The following PI4KA variants were observed in gnomAD, a reference collection of about 807,000 sequenced individuals.
The protein encoded by PI4KA is phosphatidylinositol 4-kinase alpha, also known as PI4-kinase alpha.
Under a neutral mutation model 271.4 loss-of-function variants are expected in PI4KA, and 122 were observed. The ratio of observed to expected loss-of-function variants is 0.45; its 90% CI spans 0.39 to 0.52. The LOEUF is 0.52. Among genes scored for constraint, PI4KA ranks in the 20% least tolerant of loss-of-function variants. The pLI, the probability that PI4KA is intolerant of heterozygous loss-of-function variation, is 0.00. For synonymous variants in PI4KA, 1,041 were observed against 1,078.8 expected, an observed-to-expected ratio of 0.96 and a Z score of 0.69; for missense variants, 1,969 against 2,769.1, an observed-to-expected ratio of 0.71 and a Z score of 6.48.
intron 43 of PI4KA, among the ~76,000 whole-genome samples, chr22:20,720,052 C>A (rs2080336): frequency 0.086 from 5,436 of 63,252 alleles, 260 homozygotes; most frequent in East Asian, 0.11. Flanking sequence ...AAAAAAAAAA[C>A]CCTTTCTGGT....
At chr22:20,779,267 C>T in intron 19 of PI4KA, 1 of 1,612,822 alleles carries the variant, frequency 6.2e-7, no homozygotes, top group Non-Finnish European at 8.5e-7. Context: ...AGCCAGGCCG[C>T]CTTTCACTGT....
intron 15 of PI4KA, 118 bp downstream of exon 15, chr22:20,799,553 C>T (rs574523976): frequency 6.3e-6 from 5 of 791,026 alleles, no homozygotes; most frequent in Middle Eastern, 3.2e-4. Context: ...CTGATACATG[C>T]CTATGCTCTG....
At chr22:20,716,271 T>C (rs1315323412) in intron 45 of PI4KA, among the ~76,000 whole-genome samples, 2 of 152,046 alleles carry the variant, frequency 1.3e-5, no homozygotes, top group African/African-American at 4.8e-5. Flanking sequence ...AGGATGGTCT[T>C]GATCTCCTGA....
chr22:20,730,442 T>C (rs1221436045), intron 36 of PI4KA, among the ~76,000 whole-genome samples: 1 of 151,756 alleles, frequency 6.6e-6, no homozygotes, highest in South Asian at 2.1e-4. Flanking sequence ...GCCCAGTTAA[T>C]TTTTGTATTT....
At chr22:20,777,114 G>A (rs1316368351) in intron 19 of PI4KA, among the ~76,000 whole-genome samples, 2 of 151,718 alleles carry the variant, frequency 1.3e-5, no homozygotes, top group African/African-American at 2.4e-5. Context: ...CAGTAGTGGC[G>A]TGATCACGGC....
intron 11 of PI4KA, 57 bp downstream of exon 11, chr22:20,804,917 A>G: frequency 1.4e-6 from 2 of 1,409,778 alleles, no homozygotes; most frequent in Non-Finnish European, 2.0e-6. Flanking sequence ...ACTTGTGGCA[A>G]GAAAGCCTCT....
chr22:20,819,534 T>C lies in PI4KA; in HGVS notation c.789+107A>G, dbSNP rs563995245. The C allele has an allele frequency of 4.0e-5, 42 of 1,039,276 alleles. No homozygotes were observed. In the African/African-American group the frequency reaches 5.9e-4, roughly 15 times the overall value. 64.4% of individuals were successfully genotyped at this position (1,039,276 alleles called of 1,614,324 possible). ...ATTAAAGAGAATTCTAGTGAAACAT[T>C]TCACGTTACTTAAGTTTACTCCAAC... is the stretch of plus-strand genomic sequence containing the variant. On this transcript the variant is annotated intron_variant, in intron 6 of 54. Transcript: ENST00000255882.
At chr22:20,780,789 A>AAAAAAAAAAAAAAAG (rs1569025354) in intron 19 of PI4KA, among the ~76,000 whole-genome samples, 1 of 151,276 alleles carries the variant, frequency 6.6e-6, no homozygotes, top group African/African-American at 2.4e-5. Context: ...AAAAAAAAAA[A>AAAAAAAAAAAAAAAG]AAGAAGTAAA....
intron 13 of PI4KA, among the ~76,000 whole-genome samples, chr22:20,802,819 G>GTGTTTAATTAAT (rs1247189044): frequency 6.6e-6 from 1 of 152,186 alleles, no homozygotes; most frequent in Non-Finnish European, 1.5e-5. Flanking sequence ...CACACAGCAG[G>GTGTTTAATTAAT]TGTTTAATTA....
chr22:20,804,501 G>C (rs745347363), intron 11 of PI4KA, 101 bp from the exon 12 acceptor site: 7 of 823,074 alleles, frequency 8.5e-6, no homozygotes, highest in African/African-American at 5.0e-5. Flanking sequence ...AAACCCCAGA[G>C]ACATACTTTA....
chr22:20,710,406 G>A (rs541678657), intron 52 of PI4KA: 1 of 549,590 alleles, frequency 1.8e-6, no homozygotes, highest in Non-Finnish European at 3.3e-6. Context: ...AGCCTGTGGG[G>A]TGGCAGGTGC....
At chr22:20,804,891 G>T (rs1935547232) in intron 11 of PI4KA, 83 bp downstream of exon 11, 3 of 1,133,864 alleles carry the variant, frequency 2.6e-6, no homozygotes, top group East Asian at 4.7e-5. Context: ...AAGTGTTCTA[G>T]AAGTAGTTTG....
rs1314430969 is a variant in PI4KA at position 20,819,902 on chromosome 22, T to C, written c.530-2A>G. 6.2e-7 allele frequency: 1 copy of C among 1,612,550 alleles called. No individual in the cohort carries two copies. On this transcript the variant is annotated splice_acceptor_variant, in intron 5 of 54. Coordinates refer to ENST00000255882, the MANE Select transcript of PI4KA (RefSeq NM_058004.4). LOFTEE classifies it high-confidence loss of function. ...GGATAGCATACTTGCAAAGGTATTC[T>C]AGAAGATCAAGTGAAAACGTTACAA...
chr22:20,734,997 A>AC (rs1928542279), intron 32 of PI4KA, among the ~76,000 whole-genome samples: 1 of 152,112 alleles, frequency 6.6e-6, no homozygotes, highest in South Asian at 2.1e-4. Flanking sequence ...CACAGACCCT[A>AC]CCTGATGCCT....
chr22:20,741,432 C>A (rs5760286), intron 32 of PI4KA, among the ~76,000 whole-genome samples: 62,280 of 151,952 alleles, frequency 0.41, 13,211 homozygotes, highest in African/African-American at 0.49. Context: ...CCCAGCACTC[C>A]CCTGACTTCA....
At chr22:20,770,094 C>A (rs998965808) in intron 19 of PI4KA, among the ~76,000 whole-genome samples, 3 of 152,042 alleles carry the variant, frequency 2.0e-5, no homozygotes, top group Admixed American at 6.6e-5. Flanking sequence ...GTCGACCACA[C>A]TGGAGTAGGG....
rs1312713409 is a variant in PI4KA at position 20,742,329 on chromosome 22, G to A, written c.3640C>T (p.Leu1214=). ...KDCDPQLLHH[L]CWGPLRMFNE... ...AACATCCGGAGGGGACCCCAGCACA[G>A]ATGATGAAGGAGCTGCGGGTCACAA... Residue 1214 remains leucine, a synonymous_variant, in exon 32 of 55, where the codon CTG becomes TTG. Transcript: ENST00000255882. 1 of 1,614,198 alleles carries A rather than the reference G, an allele frequency of 6.2e-7. No individual in the cohort carries two copies. Among genetic ancestry groups the A allele is most frequent in the Non-Finnish European group, 8.5e-7 (1 of 1,180,004 alleles).
chr22:20,833,834 A>G (rs938821767), intron 3 of PI4KA, among the ~76,000 whole-genome samples: 1 of 151,250 alleles, frequency 6.6e-6, no homozygotes, highest in Non-Finnish European at 1.5e-5. Context: ...TAATTTTTGT[A>G]CTTTTAGTAG....
chr22:20,833,507 G>A (rs148910975), intron 3 of PI4KA, among the ~76,000 whole-genome samples: 446 of 152,312 alleles, frequency 2.9e-3, no homozygotes, highest in Admixed American at 5.2e-3. Context: ...ACCAATGGCA[G>A]TGGTAGCACA....
Sources: allele counts gnomAD v4.1 joint callset (sites outside exome capture counted in the v4.1 genomes callset), GRCh38; gene constraint gnomAD v4.1.1; transcripts MANE v1.5; gene names NCBI Gene and HGNC (gene_info 2026-07-23, HGNC 2026-07-21).